Variants in MAP4 observed in about 807,000 individuals in gnomAD.
MAP4 encodes microtubule-associated protein 4.
Under a neutral mutation model 170.2 loss-of-function variants are expected in MAP4, and 76 were observed. That is an observed-to-expected ratio of 0.45 (90% CI 0.37 to 0.54). The LOEUF is 0.54. Ranked by LOEUF, MAP4 falls within the 20% of genes least tolerant of loss-of-function variation. The pLI is 0.00. For synonymous variants in MAP4, 909 were observed against 994.5 expected (o/e 0.91, Z 1.62); for missense variants, 2,506 against 2,748.0 (o/e 0.91, Z 1.97).
At chr3:47,939,697 T>C (rs995546447) in intron 3 of MAP4, among the ~76,000 whole-genome samples, 3 of 144,020 alleles carry the variant, frequency 2.1e-5, no homozygotes, top group African/African-American at 8.2e-5. Context: ...GGTAAGAAAC[T>C]GTAAAGAAAT....
chr3:47,922,138 A>G (rs1188420111), intron 4 of MAP4, among the ~76,000 whole-genome samples: 1 of 151,880 alleles, frequency 6.6e-6, no homozygotes, highest in African/African-American at 2.4e-5. Flanking sequence ...TTGTAGAGAC[A>G]AGGTTTCTCC....
chr3:47,922,565 TA>T (rs60253552), intron 4 of MAP4, among the ~76,000 whole-genome samples: 56,347 of 148,552 alleles, frequency 0.38, 11,971 homozygotes, highest in African/African-American at 0.59. Context: ...TTAACAAGCT[TA>T]AAAAAAAAAA....
intron 2 of MAP4, among the ~76,000 whole-genome samples, chr3:47,979,015 C>T (rs1279502044): frequency 6.6e-6 from 1 of 151,936 alleles, no homozygotes; most frequent in African/African-American, 2.4e-5. Flanking sequence ...TTTTCATTTA[C>T]TTAACTGTGC....
chr3:47,973,304 A>C, intron 3 of MAP4: 1 of 985,366 alleles, frequency 1.0e-6, no homozygotes, highest in Non-Finnish European at 1.2e-6. Flanking sequence ...GGCATATGAA[A>C]ATCATCACAT....
chr3:47,967,537 G>A (rs1011956182), intron 3 of MAP4, among the ~76,000 whole-genome samples: 1 of 152,044 alleles, frequency 6.6e-6, no homozygotes, highest in African/African-American at 2.4e-5. Context: ...CTGTAATCTC[G>A]GCTACTCGGC....
At chr3:47,983,821 G>A (rs893878537) in intron 2 of MAP4, among the ~76,000 whole-genome samples, 7 of 151,996 alleles carry the variant, frequency 4.6e-5, no homozygotes, top group African/African-American at 1.4e-4. Context: ...GATCAGCCTC[G>A]TCCACTGAGC....
At position 48,073,442 on chromosome 3, in the gene MAP4, A is replaced by C. The variant is rs1579815542; in HGVS notation, c.-20+15331T>G. Among the ~76,000 whole-genome samples, 7 of 150,422 alleles carry C rather than the reference A, an allele frequency of 4.7e-5. No homozygotes were observed. The Admixed American group carries it at 4.7e-4, about 10-fold the overall frequency. On this transcript the variant is annotated intron_variant, in intron 1 of 18. Coordinates refer to the MAP4 transcript ENST00000360240. ...GCCTGACCAAGATGGAGAAACCCCG[A>C]CTCTACTAAAAATACAAAATTAGCC...
Position 47,917,101 on chromosome 3 carries a change from C to CATT in MAP4, c.723_725dup (p.Ile241dup), listed in dbSNP as rs753818095. ...CCATGTCAGTAGTCTTCAGTCCCAT[C>CATT]ATTATTTCCAATGCTTGTGCTGGTG... On this transcript the variant is annotated inframe_insertion, in exon 7 of 21. Transcript: ENST00000683076. The CATT allele has an allele frequency of 8.1e-6, 13 of 1,614,152 alleles. No individual in the cohort carries two copies. Among genetic ancestry groups the CATT allele is most frequent in the Non-Finnish European group, 1.1e-5 (13 of 1,179,990 alleles).
upstream of MAP4, among the ~76,000 whole-genome samples, chr3:48,018,316 G>A (rs2100108838): frequency 6.6e-6 from 1 of 152,146 alleles, no homozygotes; most frequent in African/African-American, 2.4e-5. Flanking sequence ...AGACTACAGA[G>A]GAGACAGGCC....
intron 10 of MAP4, among the ~76,000 whole-genome samples, chr3:47,879,841 C>T (rs1559875599): frequency 6.6e-6 from 1 of 152,206 alleles, no homozygotes. Flanking sequence ...TGTTCTCCAT[C>T]TCTATAGTAA....
intron 12 of MAP4, among the ~76,000 whole-genome samples, chr3:47,875,428 T>C (rs2095004895): frequency 6.6e-6 from 1 of 152,188 alleles, no homozygotes; most frequent in Non-Finnish European, 1.5e-5. Context: ...AAAATGTTAA[T>C]GTCTGCATCA....
intron 10 of MAP4, among the ~76,000 whole-genome samples, chr3:47,884,160 A>G (rs1332568861): frequency 6.6e-6 from 1 of 152,080 alleles, no homozygotes; most frequent in Non-Finnish European, 1.5e-5. Flanking sequence ...GGGTCTGAAG[A>G]TATGTTTTTT....
At chr3:47,987,758 T>C (rs1363357050) in intron 2 of MAP4, among the ~76,000 whole-genome samples, 2 of 152,238 alleles carry the variant, frequency 1.3e-5, no homozygotes, top group Non-Finnish European at 2.9e-5. Flanking sequence ...GGAGTAATAC[T>C]GGATTTGTCC....
rs368319389 is a variant in MAP4, at chr3:47,977,439, AAAAT to A, written c.292+422_292+425del. ...AAGATAAAGGAAACACACTGGGGGCAAAATAAATAACTCCTAATTTGTTGTTCAC... is the reference window on the plus strand; with the variant it reads ...AAGATAAAGGAAACACACTGGGGGCAAAATAACTCCTAATTTGTTGTTCAC... On this transcript the variant is annotated intron_variant, in intron 3 of 20. Transcript: ENST00000683076. Among the ~76,000 whole-genome samples the A allele has an allele frequency of 2.5e-4, 38 of 152,342 alleles. No homozygotes were observed. The East Asian group carries it at 5.2e-3, about 21-fold the overall frequency.
chr3:47,965,975 CTA>C (rs1251220752), intron 3 of MAP4, among the ~76,000 whole-genome samples: 6 of 152,056 alleles, frequency 3.9e-5, no homozygotes, highest in African/African-American at 1.4e-4. Context: ...AGATTTCCCT[CTA>C]TGTTTTCTTC....
intron 1 of MAP4, among the ~76,000 whole-genome samples, chr3:48,047,586 T>C: frequency 6.6e-6 from 1 of 152,184 alleles, no homozygotes; most frequent in East Asian, 1.9e-4. Context: ...CGGCTACTAT[T>C]TTAAAAAGAT....
At chr3:48,061,774 C>A (rs1285723121) in intron 1 of MAP4, among the ~76,000 whole-genome samples, 1 of 151,026 alleles carries the variant, frequency 6.6e-6, no homozygotes, top group Non-Finnish European at 1.5e-5. Flanking sequence ...CGGCCAGCCG[C>A]CCCGTCCGGG....
At chr3:47,988,670 A>G (rs1010464540) in intron 2 of MAP4, among the ~76,000 whole-genome samples, 2 of 152,004 alleles carry the variant, frequency 1.3e-5, no homozygotes, top group Non-Finnish European at 2.9e-5. Context: ...ATTCTTTTAC[A>G]TTTCCTGAAC....
intron 3 of MAP4, among the ~76,000 whole-genome samples, chr3:47,958,347 GA>G (rs1287292625): frequency 2.0e-5 from 3 of 152,198 alleles, no homozygotes; most frequent in Non-Finnish European, 4.4e-5. Context: ...GAAGGCAAGG[GA>G]AACATGAAAT....
Sources: allele counts gnomAD v4.1 joint callset (sites outside exome capture counted in the v4.1 genomes callset), GRCh38; gene constraint gnomAD v4.1.1; transcripts MANE v1.5; gene names NCBI Gene and HGNC (gene_info 2026-07-23, HGNC 2026-07-21).